NLRP5: variants seen among roughly 807,000 people sequenced by gnomAD.
The protein encoded by NLRP5 is NLR family pyrin domain containing 5.
In NLRP5, 93 loss-of-function variants were observed where a neutral mutation model predicts 113.1. The ratio of observed to expected loss-of-function variants is 0.82; its 90% CI spans 0.70 to 0.98. The LOEUF (loss-of-function observed/expected upper bound fraction) is 0.98, where lower values mean the gene tolerates loss of function less well. Ranked by LOEUF, NLRP5 falls within the 50% of genes least tolerant of loss-of-function variation. The pLI, the probability that NLRP5 is intolerant of heterozygous loss-of-function variation, is 0.00. For synonymous variants in NLRP5, 751 were observed against 600.7 expected (o/e 1.25, Z -3.66); for missense variants, 1,808 against 1,514.3 (o/e 1.19, Z -3.22).
chr19:56,029,900 C>G (rs916905790), intron 7 of NLRP5, among the ~76,000 whole-genome samples: 8 of 150,406 alleles, frequency 5.3e-5, no homozygotes, highest in African/African-American at 2.0e-4. Context: ...ACTAAAAATA[C>G]AAAAATTAGC....
At chr19:56,061,193 A>C (rs1018665672) in intron 14 of NLRP5, among the ~76,000 whole-genome samples, 3 of 152,182 alleles carry the variant, frequency 2.0e-5, no homozygotes, top group African/African-American at 7.2e-5. Flanking sequence ...GGGAGTCTCC[A>C]TGTTTCAGCA....
intron 7 of NLRP5, among the ~76,000 whole-genome samples, chr19:56,030,714 C>CTTCTTCTTTTTTTTTTTTTTTT (rs1555767859): frequency 2.8e-5 from 2 of 71,350 alleles, no homozygotes; most frequent in African/African-American, 1.4e-4. Context: ...CTTTCTTCTT[C>CTTCTTCTTTTTTTTTTTTTTTT]TTTTTTTTTT....
chr19:56,007,371 T>TA (rs1555764259), intron 2 of NLRP5, among the ~76,000 whole-genome samples: 1 of 150,058 alleles, frequency 6.7e-6, no homozygotes, highest in African/African-American at 2.5e-5. Flanking sequence ...TTTTTTTTTT[T>TA]ATAGAAAGTC....
intron 13 of NLRP5, among the ~76,000 whole-genome samples, chr19:56,056,334 G>A (rs968925878): frequency 6.6e-6 from 1 of 152,052 alleles, no homozygotes; most frequent in Admixed American, 6.6e-5. Flanking sequence ...GAGGGGGGTG[G>A]ATCACCTGAG....
intron 9 of NLRP5, among the ~76,000 whole-genome samples, chr19:56,035,768 T>C (rs896338387): frequency 2.6e-5 from 4 of 152,160 alleles, no homozygotes; most frequent in Non-Finnish European, 5.9e-5. Context: ...TTCCCCAAAG[T>C]ACTTATTGGA....
At chr19:56,004,866 G>A (rs1227296732) in intron 2 of NLRP5, among the ~76,000 whole-genome samples, 1 of 151,894 alleles carries the variant, frequency 6.6e-6, no homozygotes, top group Non-Finnish European at 1.5e-5. Context: ...GCTGAGGTGG[G>A]TGGATCACCT....
At chr19:56,042,652 G>A (rs572244969) in intron 11 of NLRP5, among the ~76,000 whole-genome samples, 126 of 152,226 alleles carry the variant, frequency 8.3e-4, no homozygotes, top group Admixed American at 1.4e-3. Flanking sequence ...CAGGTTACAT[G>A]AGTAAGTTCT....
chr19:56,033,612 A>C lies in NLRP5; in HGVS notation c.2518A>C (p.Arg840=). 6.2e-7 allele frequency: 1 copy of C among 1,613,788 alleles called. No individual in the cohort carries two copies. The stretch of plus-strand genomic sequence containing the variant: ...AATCGTCATGGCCAACCGTAACCTA[A>C]GATCCCTCAACTTGGGAGGCACCCA... Residue 840 remains arginine (R), a synonymous_variant, in exon 9 of 15, where the codon AGA becomes CGA. Transcript: ENST00000390649.
At chr19:55,998,240 C>T (rs1480622184), upstream of NLRP5, among the ~76,000 whole-genome samples, 2 of 151,932 alleles carry the variant, frequency 1.3e-5, no homozygotes, top group Non-Finnish European at 1.5e-5. Context: ...CCTGTAGTCC[C>T]AGCTACTTGG....
intron 7 of NLRP5, among the ~76,000 whole-genome samples, chr19:56,029,551 C>G (rs1173864549): frequency 6.6e-6 from 1 of 152,142 alleles, no homozygotes; most frequent in Admixed American, 6.5e-5. Flanking sequence ...TAGGCATAAG[C>G]TGCTGTGCCC....
chr19:56,037,158 T>G (rs1311227589), intron 9 of NLRP5, among the ~76,000 whole-genome samples: 1 of 152,116 alleles, frequency 6.6e-6, no homozygotes, highest in African/African-American at 2.4e-5. Flanking sequence ...AGTGATGTGT[T>G]AGATTTGGGG....
At chr19:55,988,440 G>GTATATATATATATATATATA in the NLRP5 span, 2 of 100,558 alleles carry the variant, frequency 2.0e-5, no homozygotes, top group East Asian at 2.6e-4. Context: ...ATATATGTGT[G>GTATATATATATATATATATA]TGTGTATATA....
intron 3 of NLRP5, among the ~76,000 whole-genome samples, chr19:56,014,656 A>G (rs559785953): frequency 2.0e-5 from 3 of 151,898 alleles, no homozygotes; most frequent in Non-Finnish European, 4.4e-5. Flanking sequence ...GTAGATAACC[A>G]GTTCTCCAGC....
At chr19:56,055,782 T>G (rs1984125979) in intron 13 of NLRP5, among the ~76,000 whole-genome samples, 2 of 151,818 alleles carry the variant, frequency 1.3e-5, no homozygotes, top group Non-Finnish European at 1.5e-5. Flanking sequence ...CCTGACCTCA[T>G]GATCTGCCCG....
Position 56,027,988 on chromosome 19 carries a change from C to T in NLRP5, c.1755C>T (p.Leu585=), listed in dbSNP as rs779733314. The stretch of plus-strand genomic sequence containing the variant: ...AGGAGTACTACACCTTCTTCCACCT[C>T]AGTCTCCAGGACTTCTGTGCCGCCT... Residue 585 remains leucine, a synonymous_variant, in exon 7 of 15, where the codon CTC becomes CTT. Transcript: ENST00000390649. 6.2e-7 allele frequency: 1 copy of T among 1,614,014 alleles called. No individual in the cohort carries two copies. Among genetic ancestry groups the T allele is most frequent in the South Asian group, 1.1e-5 (1 of 91,076 alleles).
intron 10 of NLRP5, among the ~76,000 whole-genome samples, chr19:56,040,690 C>G (rs1347637969): frequency 1.3e-5 from 2 of 152,188 alleles, no homozygotes; most frequent in African/African-American, 4.8e-5. Flanking sequence ...CAGCCATTCC[C>G]CATTGTGACT....
intron 1 of NLRP5, among the ~76,000 whole-genome samples, chr19:56,002,272 G>T (rs1981683508): frequency 6.6e-6 from 1 of 152,100 alleles, no homozygotes; most frequent in Non-Finnish European, 1.5e-5. Flanking sequence ...TTTAGTGTAT[G>T]TATATTATCT....
In NLRP5 at chr19:56,024,384, T is replaced by TA. The variant is rs561620826; in HGVS notation, c.680-2527dup. Among the ~76,000 whole-genome samples the TA allele has an allele frequency of 7.1e-3, 938 of 132,078 alleles. 12 individuals carry two copies. Among genetic ancestry groups the TA allele is most frequent in the African/African-American group, 0.024 (861 of 35,226 alleles). The allele number at this position is 132,078 out of a possible 152,430, so 86.6% of individuals were successfully genotyped here. A position where few individuals can be genotyped will look rare whatever the true frequency, so the allele number is the denominator to read the frequency against. ...ACAAATATATATATATGTGTATATATAACATATATACATATATGTACATAT... is the reference window on the plus strand; with the variant it reads ...ACAAATATATATATATGTGTATATATAAACATATATACATATATGTACATAT... On this transcript the variant is annotated intron_variant, in intron 6 of 14. Coordinates refer to ENST00000390649, the MANE Select transcript of NLRP5 (RefSeq NM_153447.4).
At chr19:56,009,339 C>CAAA (rs71296979) in intron 3 of NLRP5, among the ~76,000 whole-genome samples, 13,182 of 44,074 alleles carry the variant, frequency 0.3, 2,676 homozygotes, top group Non-Finnish European at 0.35. Context: ...GACTCCATCT[C>CAAA]AAAAAAAAAA....
Sources: gnomAD v4.1 joint callset for allele counts (sites outside exome capture counted in the v4.1 genomes callset) on GRCh38, gnomAD v4.1.1 for gene constraint, MANE v1.5 for transcripts, NCBI Gene and HGNC (gene_info 2026-07-23, HGNC 2026-07-21) for gene names.